LPA: variants seen among roughly 807,000 people sequenced by gnomAD.
The protein encoded by LPA is apolipoprotein(a).
LPA carries 199 observed loss-of-function variants against 197.9 expected under a neutral mutation model. The ratio of observed to expected loss-of-function variants is 1.01; its 90% CI spans 0.90 to 1.13. The LOEUF is 1.13. Among genes scored for constraint, LPA ranks in the 50% most tolerant of loss-of-function variants. LPA has a pLI of 0.00. For missense variants in LPA, 1,853 were observed against 1,785.8 expected (o/e 1.04, Z -0.68); for synonymous variants, 715 against 639.5 (o/e 1.12, Z -1.78).
chr6:160,662,606 A>T (rs1415474141), intron 1 of LPA, among the ~76,000 whole-genome samples: 2 of 152,124 alleles, frequency 1.3e-5, no homozygotes, highest in Non-Finnish European at 2.9e-5. Flanking sequence ...AGTGATCTAC[A>T]TCCTAGTTTC....
intron 12 of LPA, among the ~76,000 whole-genome samples, chr6:160,620,724 A>G (rs1436433940): frequency 4.0e-5 from 4 of 100,018 alleles, no homozygotes. Flanking sequence ...TTCTATTCCA[A>G]ACTCCCTTGC....
chr6:160,551,897 GC>G (rs1413803199), intron 30 of LPA, among the ~76,000 whole-genome samples: 4 of 149,920 alleles, frequency 2.7e-5, no homozygotes, highest in Non-Finnish European at 3.0e-5. Flanking sequence ...TACTTTTTTG[GC>G]CAATAACACA....
chr6:160,652,350 TC>T (rs1780023032), intron 1 of LPA, among the ~76,000 whole-genome samples: 1 of 152,124 alleles, frequency 6.6e-6, no homozygotes, highest in African/African-American at 2.4e-5. Context: ...AGATCAGATT[TC>T]TAGTCAGAAA....
Position 160,531,745 on chromosome 6 carries a change from A to T in LPA, c.6107T>A (p.Met2036Lys). The part of the protein sequence containing the change: ...VSRFVTWIEG[M>K]MRNN The stretch of plus-strand genomic sequence containing the variant: ...CCCGTCCAATTAATTATTTCTCATC[A>T]TTCCCTCAATCCAAGTAACAAACCT... Residue 2036 changes from methionine (M) to lysine (K), a missense_variant, in exon 39 of 39, where the codon ATG becomes AAG. By Grantham distance (95) the Met-to-Lys change is moderately conservative (BLOSUM62 -1). Transcript: ENST00000316300. The T allele has an allele frequency of 6.2e-7, 1 of 1,614,018 alleles. No homozygotes were observed. Among genetic ancestry groups the T allele is most frequent in the South Asian group, 1.1e-5 (1 of 91,084 alleles).
intron 22 of LPA, among the ~76,000 whole-genome samples, chr6:160,593,646 T>G (rs1370370848): frequency 3.3e-5 from 5 of 152,192 alleles, no homozygotes; most frequent in Admixed American, 3.3e-4. Flanking sequence ...GTTGAACTAT[T>G]GCATTGGTCT....
intron 28 of LPA, among the ~76,000 whole-genome samples, chr6:160,568,122 C>T (rs190172273): frequency 1.9e-4 from 29 of 152,174 alleles, no homozygotes; most frequent in South Asian, 4.1e-4. Flanking sequence ...AGAGGGAATC[C>T]TCCCTAACTC....
intron 2 of LPA, among the ~76,000 whole-genome samples, chr6:160,647,784 C>G (rs147358027): frequency 5.3e-5 from 8 of 152,296 alleles, no homozygotes; most frequent in Non-Finnish European, 1.0e-4. Context: ...ATTTTTACTT[C>G]TACATATGGT....
At chr6:160,655,191 A>G (rs1460064435) in intron 1 of LPA, among the ~76,000 whole-genome samples, 2 of 152,320 alleles carry the variant, frequency 1.3e-5, no homozygotes, top group Non-Finnish European at 2.9e-5. Context: ...CCCACAGTCA[A>G]ACGTTCAGTT....
intron 28 of LPA, among the ~76,000 whole-genome samples, chr6:160,576,688 G>GTATATATATA (rs1414636286): frequency 2.9e-4 from 17 of 57,924 alleles, no homozygotes; most frequent in African/African-American, 5.8e-4. Flanking sequence ...GTGTGTGTGT[G>GTATATATATA]TGTATATATA....
At chr6:160,560,041 T>C (rs1450070465) in intron 28 of LPA, among the ~76,000 whole-genome samples, 1 of 152,230 alleles carries the variant, frequency 6.6e-6, no homozygotes, top group Admixed American at 6.5e-5. Context: ...CATATGGTGT[T>C]TGGTTTTCTG....
chr6:160,595,426 C>T lies in LPA; in HGVS notation c.3397G>A (p.Val1133Met). 6.2e-7 allele frequency: 1 copy of T among 1,613,926 alleles called. No homozygotes were observed. Among genetic ancestry groups the T allele is most frequent in the East Asian group, 2.2e-5 (1 of 44,858 alleles). The change falls in exon 21 of 39, where the codon GTG (valine) becomes ATG (methionine). Residue 1133 changes from valine (V) to methionine (M), a missense_variant. Val to Met is a conservative substitution (Grantham distance 21). This residue lies in a region of LPA where 1,737 missense variants were observed against 1,504.4 expected (regional missense o/e 1.15). Transcript: ENST00000316300. The stretch of plus-strand genomic sequence containing the variant: ...GTTGCAAGGACACTTGATTCTGTCA[C>T]CAGGCATTGTGTCAGGTTGCAGTAC... ...WEYCNLTQCL[V>M]TESSVLATLT...
chr6:160,599,756 T>A (rs1233895274), intron 19 of LPA, 97 bp from the exon 20 acceptor site: 3 of 1,321,560 alleles, frequency 2.3e-6, no homozygotes, highest in Non-Finnish European at 3.2e-6. Context: ...GTCACTGAGA[T>A]TTACAACCAT....
intron 2 of LPA, among the ~76,000 whole-genome samples, chr6:160,647,849 A>G (rs1262287639): frequency 6.6e-6 from 1 of 152,254 alleles, no homozygotes; most frequent in Non-Finnish European, 1.5e-5. Context: ...TCATTTAAAA[A>G]GATATAAACG....
intron 24 of LPA, among the ~76,000 whole-genome samples, chr6:160,588,462 T>C (rs113572208): frequency 0.1 from 15,224 of 152,212 alleles, 972 homozygotes; most frequent in Non-Finnish European, 0.15. Context: ...GTGGTCAGAA[T>C]TCAAATATCC....
rs1228220162 is a variant in LPA at position 160,606,678 on chromosome 6, A to G, written c.2604-20T>C. ...AAGCCACTGGAAATTCCAAAACGAT[A>G]CACGTCACAAGAGGTGGGACAATAT... is the stretch of plus-strand genomic sequence containing the variant. On this transcript the variant is annotated intron_variant, in intron 16 of 38. Coordinates refer to ENST00000316300, the MANE Select transcript of LPA (RefSeq NM_005577.4). 1 of 1,613,762 alleles carries G rather than the reference A, an allele frequency of 6.2e-7. No homozygotes were observed. The highest frequency in any genetic ancestry group is 2.2e-5 in the East Asian group (1 of 44,858).
intron 26 of LPA, among the ~76,000 whole-genome samples, chr6:160,580,116 TG>T (rs1483461727): frequency 1.3e-5 from 2 of 152,222 alleles, no homozygotes; most frequent in African/African-American, 4.8e-5. Context: ...TAAACTCACA[TG>T]AATGGACTCA....
chr6:160,592,295 C>A (rs1353848553), intron 22 of LPA, among the ~76,000 whole-genome samples: 1 of 152,190 alleles, frequency 6.6e-6, no homozygotes, highest in Non-Finnish European at 1.5e-5. Flanking sequence ...TTCTCGTTCA[C>A]CTTTTCCTAC....
chr6:160,532,192 G>A lies in LPA; in HGVS notation c.5962-302C>T, dbSNP rs950155968. The stretch of plus-strand genomic sequence containing the variant: ...GCCTGGACATCATTGTTAAGTGTGT[G>A]TAATTTGTCTCGGTCCTGTACCCTC... On this transcript the variant is annotated intron_variant, in intron 38 of 38. Coordinates refer to ENST00000316300, the MANE Select transcript of LPA (RefSeq NM_005577.4). Among the ~76,000 whole-genome samples, 3 of 152,110 alleles carry A rather than the reference G, an allele frequency of 2.0e-5. No individual in the cohort carries two copies. The East Asian group carries it at 5.8e-4, about 29-fold the overall frequency.
At chr6:160,661,411 A>G (rs1456338031) in intron 1 of LPA, among the ~76,000 whole-genome samples, 1 of 152,216 alleles carries the variant, frequency 6.6e-6, no homozygotes, top group Non-Finnish European at 1.5e-5. Flanking sequence ...GACACACTGC[A>G]GAGAACATGT....
Sources: gnomAD v4.1 joint callset for allele counts (sites outside exome capture counted in the v4.1 genomes callset) on GRCh38, gnomAD v4.1.1 for gene constraint, gnomAD v4.1.1 regional missense constraint, MANE v1.5 for transcripts, NCBI Gene and HGNC (gene_info 2026-07-23, HGNC 2026-07-21) for gene names.